Variants in ZNF674 observed in about 807,000 individuals in gnomAD.
ZNF674 encodes the protein zinc finger protein 674, also known as zinc finger family member 674.
In ZNF674, 2 loss-of-function variants were observed where a neutral mutation model predicts 7.0. The observed-to-expected ratio is 0.29, with a 90% CI of 0.12 to 0.90. The LOEUF (loss-of-function observed/expected upper bound fraction) is 0.90, where lower values mean the gene tolerates loss of function less well. Ranked by LOEUF, ZNF674 falls within the 40% of genes least tolerant of loss-of-function variation. ZNF674 has a pLI of 0.57. For synonymous variants in ZNF674, 103 were observed against 145.2 expected (o/e 0.71, Z 2.09); for missense variants, 297 against 415.5 (o/e 0.71, Z 2.48).
intron 5 of ZNF674, among the ~76,000 whole-genome samples, chrX:46,520,507 T>C (rs138856748): frequency 0.012 from 1,293 of 111,872 alleles, 15 homozygotes; most frequent in African/African-American, 0.028. Flanking sequence ...TGGGATACTG[T>C]ACTACAGTTC....
rs1175639650 is a variant in ZNF674 at position 46,499,401 on chromosome X, A to G, written c.*442T>C. 8.7e-6 allele frequency: 1 copy of G among 114,604 alleles called. No individual in the cohort carries two copies. The highest frequency in any genetic ancestry group is 3.3e-5 in the African/African-American group (1 of 30,765). 9.4% of individuals were successfully genotyped at this position (114,604 alleles called of 1,213,427 possible). On this transcript the variant is annotated 3_prime_UTR_variant, in exon 6 of 6. Transcript: ENST00000683375. ...TGGTCTCAAACTTGTGAGCTCAAGC[A>G]ATCTGCCCACCTCAGCCTCCCAAAA...
intron 5 of ZNF674, among the ~76,000 whole-genome samples, chrX:46,516,078 G>C (rs751985200): frequency 8.9e-6 from 1 of 111,748 alleles, no homozygotes; most frequent in African/African-American, 3.2e-5. Flanking sequence ...TAGAAAAAGA[G>C]CAAATTAAAT....
intron 3 of ZNF674, 37 bp downstream of exon 3, chrX:46,542,036 T>C (rs1243835506): frequency 1.7e-6 from 2 of 1,183,195 alleles, no homozygotes; most frequent in Admixed American, 4.4e-5. Context: ...TTGCCTCAAT[T>C]TCACTGGAAA....
chrX:46,501,743 TA>T (rs1330511214), intron 5 of ZNF674, among the ~76,000 whole-genome samples: 1 of 109,015 alleles, frequency 9.2e-6, no homozygotes, highest in Non-Finnish European at 1.9e-5. Flanking sequence ...AGACCAACTT[TA>T]AAAATTTTTC....
intron 2 of ZNF674, among the ~76,000 whole-genome samples, chrX:46,543,620 A>C (rs779643598): frequency 1.9e-4 from 21 of 111,553 alleles, no homozygotes; most frequent in Non-Finnish European, 3.0e-4. Context: ...CCCTGCTCCC[A>C]CCCCACCACT....
chrX:46,501,662 A>ATATG (rs1556008912), intron 5 of ZNF674, among the ~76,000 whole-genome samples: 3 of 102,356 alleles, frequency 2.9e-5, no homozygotes, highest in Non-Finnish European at 6.0e-5. Flanking sequence ...TTGTATATAT[A>ATATG]TGTGTGTGTG....
chrX:46,513,357 C>T (rs1263670016), intron 5 of ZNF674, among the ~76,000 whole-genome samples: 1 of 112,443 alleles, frequency 8.9e-6, no homozygotes, highest in Non-Finnish European at 1.9e-5. Context: ...ATGATAAATA[C>T]TTTCAATAGT....
At chrX:46,526,100 T>C (rs1403272773) in intron 5 of ZNF674, among the ~76,000 whole-genome samples, 1 of 112,029 alleles carries the variant, frequency 8.9e-6, no homozygotes, top group African/African-American at 3.2e-5. Flanking sequence ...GGCTTTTGTG[T>C]ACAAATTCAC....
chrX:46,508,797 T>G (rs184763694), intron 5 of ZNF674, among the ~76,000 whole-genome samples: 1,177 of 111,274 alleles, frequency 0.011, 53 homozygotes, highest in Admixed American at 0.099. Flanking sequence ...ATGCTTGTGA[T>G]TTTTGTACAT....
chrX:46,511,713 C>T (rs1285003860), intron 5 of ZNF674, among the ~76,000 whole-genome samples: 1 of 112,339 alleles, frequency 8.9e-6, no homozygotes, highest in Non-Finnish European at 1.9e-5. Context: ...TAGCTCTTAA[C>T]AGCATTAATT....
chrX:46,532,925 T>C (rs1276797251), intron 3 of ZNF674, among the ~76,000 whole-genome samples: 2 of 111,856 alleles, frequency 1.8e-5, no homozygotes, highest in Non-Finnish European at 3.8e-5. Context: ...TGGGCCGCAT[T>C]CAAAGCCATC....
intron 5 of ZNF674, among the ~76,000 whole-genome samples, chrX:46,506,237 A>C (rs1941535785): frequency 9.0e-6 from 1 of 110,950 alleles, no homozygotes; most frequent in Non-Finnish European, 1.9e-5. Flanking sequence ...TTCTTCTGGG[A>C]GTCTGGATGC....
chrX:46,502,510 AAGAC>A (rs1332180473), intron 5 of ZNF674, among the ~76,000 whole-genome samples: 1 of 111,246 alleles, frequency 9.0e-6, no homozygotes, highest in Admixed American at 9.6e-5. Context: ...ATTTTGAAAA[AAGAC>A]AGATGAGTAT....
intron 4 of ZNF674, 95 bp from the exon 5 acceptor site, chrX:46,528,540 G>T: frequency 9.7e-7 from 1 of 1,025,981 alleles, no homozygotes; most frequent in Non-Finnish European, 1.4e-6. Flanking sequence ...CACGGCCTCG[G>T]TGATGGCCCC....
chrX:46,544,753 G>T (rs969446888), intron 1 of ZNF674, 142 bp from the exon 2 acceptor site: 11 of 112,182 alleles, frequency 9.8e-5, no homozygotes, highest in Non-Finnish European at 2.1e-4. Context: ...TAACATTCAT[G>T]CACAGCTCAA....
At position 46,540,935 on chromosome X, in the gene ZNF674, G is replaced by A. The variant is rs187585251; in HGVS notation, c.15+1138C>T. Among the ~76,000 whole-genome samples, 280 of 108,148 alleles carry A rather than the reference G, an allele frequency of 2.6e-3. 1 individual carries two copies. The highest frequency in any genetic ancestry group is 2.4e-3 in the Non-Finnish European group (128 of 52,284). The allele number at this position is 108,148 out of a possible 115,157, so 93.9% of individuals were successfully genotyped here. A position where few individuals can be genotyped will look rare whatever the true frequency, so the allele number is the denominator to read the frequency against. On this transcript the variant is annotated intron_variant, in intron 3 of 5. Transcript: ENST00000683375. ...AAATATTAGCCGGGTGTGGTGGCACGTGCACGTAATCCCAGCTACTTGGAA... is the reference window on the plus strand; with the variant it reads ...AAATATTAGCCGGGTGTGGTGGCACATGCACGTAATCCCAGCTACTTGGAA...
At chrX:46,542,138 G>A (rs1347074887) in intron 2 of ZNF674, 22 bp from the exon 3 acceptor site, 17 of 1,033,725 alleles carry the variant, frequency 1.6e-5, no homozygotes, top group Middle Eastern at 2.6e-4. Flanking sequence ...GAATTAGAAG[G>A]GTTGAGTTCA....
intron 4 of ZNF674, 145 bp from the exon 5 acceptor site, chrX:46,528,590 A>G: frequency 1.0e-6 from 1 of 961,905 alleles, no homozygotes; most frequent in South Asian, 2.2e-5. Flanking sequence ...GAACATTCAC[A>G]TAGCAAGCAA....
At chrX:46,504,501 C>T (rs1441793973) in intron 5 of ZNF674, among the ~76,000 whole-genome samples, 1 of 110,365 alleles carries the variant, frequency 9.1e-6, no homozygotes, top group Non-Finnish European at 1.9e-5. Flanking sequence ...TGCTACCACG[C>T]CTGGCTAATT....
Sources: allele counts gnomAD v4.1 joint callset (sites outside exome capture counted in the v4.1 genomes callset), GRCh38; gene constraint gnomAD v4.1.1; transcripts MANE v1.5; gene names NCBI Gene and HGNC (gene_info 2026-07-23, HGNC 2026-07-21).